Variants in ARK2C observed in about 807,000 individuals in gnomAD.
The protein encoded by ARK2C is arkadia (RNF111) C-terminal like ring finger ubiquitin ligase 2C.
the ARK2C span, among the ~76,000 whole-genome samples, chr18:46,399,572 A>G: frequency 1.3e-5 from 2 of 152,102 alleles, no homozygotes; most frequent in Non-Finnish European, 2.9e-5. Context: ...TGATGGGAAA[A>G]CGGTGAGGCA....
At chr18:46,413,137 T>C in the ARK2C span, among the ~76,000 whole-genome samples, 1 of 152,096 alleles carries the variant, frequency 6.6e-6, no homozygotes, top group Non-Finnish European at 1.5e-5. Context: ...TGAAAATTGT[T>C]TGGTTAAAAC....
the ARK2C span, among the ~76,000 whole-genome samples, chr18:46,385,447 C>A: frequency 6.6e-6 from 1 of 152,148 alleles, no homozygotes; most frequent in Non-Finnish European, 1.5e-5. Flanking sequence ...AGGTGTTGCA[C>A]AAGGATGTCC....
chr18:46,425,713 G>A, the ARK2C span, among the ~76,000 whole-genome samples: 1 of 152,066 alleles, frequency 6.6e-6, no homozygotes, highest in Non-Finnish European at 1.5e-5. Context: ...CTGGCCAGAG[G>A]AGCCTCCTGA....
the ARK2C span, among the ~76,000 whole-genome samples, chr18:46,401,020 G>A: frequency 6.6e-6 from 1 of 152,238 alleles, no homozygotes; most frequent in Non-Finnish European, 1.5e-5. Context: ...AACTGGAAAC[G>A]CTGGGGAGGC....
the ARK2C span, among the ~76,000 whole-genome samples, chr18:46,411,360 T>G: frequency 6.6e-6 from 1 of 152,232 alleles, no homozygotes; most frequent in Non-Finnish European, 1.5e-5. Context: ...GTACTTGGCC[T>G]TTGCAGATGA....
the ARK2C span, among the ~76,000 whole-genome samples, chr18:46,442,866 A>G: frequency 6.6e-6 from 1 of 152,170 alleles, no homozygotes; most frequent in East Asian, 1.9e-4. Context: ...TTCAAGATGA[A>G]TTGACCCCTT....
At chr18:46,346,101 G>C in the ARK2C span, among the ~76,000 whole-genome samples, 2 of 152,176 alleles carry the variant, frequency 1.3e-5, no homozygotes, top group African/African-American at 4.8e-5. Context: ...GGTGAGGCTT[G>C]AGGACAGCTT....
chr18:46,346,788 T>C, the ARK2C span, among the ~76,000 whole-genome samples: 1 of 152,182 alleles, frequency 6.6e-6, no homozygotes, highest in Non-Finnish European at 1.5e-5. Flanking sequence ...AACACACCTC[T>C]GCTTGTTCAG....
At chr18:46,337,267 T>C in the ARK2C span, 1 of 985,474 alleles carries the variant, frequency 1.0e-6, no homozygotes, top group Non-Finnish European at 1.2e-6. Context: ...TGGTTTTCCA[T>C]TAAACAGGGG....
chr18:46,423,854 T>C, the ARK2C span, among the ~76,000 whole-genome samples: 1 of 152,202 alleles, frequency 6.6e-6, no homozygotes, highest in Non-Finnish European at 1.5e-5. Context: ...ACTTCATCCT[T>C]ACCTGTTCTA....
the ARK2C span, among the ~76,000 whole-genome samples, chr18:46,349,126 C>G: frequency 7.5e-4 from 115 of 152,322 alleles, 1 homozygote; most frequent in African/African-American, 2.6e-3. Context: ...GCCTGAATTA[C>G]TTCCCACCAT....
the ARK2C span, among the ~76,000 whole-genome samples, chr18:46,347,187 C>G: frequency 6.6e-5 from 10 of 152,244 alleles, no homozygotes; most frequent in African/African-American, 2.4e-4. Context: ...GTCAGCCCTG[C>G]TCCCTGCGCC....
At chr18:46,414,442 G>GCA in the ARK2C span, among the ~76,000 whole-genome samples, 1 of 152,268 alleles carries the variant, frequency 6.6e-6, no homozygotes, top group African/African-American at 2.4e-5. Context: ...CTCTGTGTGT[G>GCA]CACACACACA....
chr18:46,446,691 A>AAAAGGAAAAGAAAAAAAAAAAG, the ARK2C span, among the ~76,000 whole-genome samples: 1 of 151,260 alleles, frequency 6.6e-6, no homozygotes, highest in Non-Finnish European at 1.5e-5. Context: ...AAAAAAAAAA[A>AAAAGGAAAAGAAAAAAAAAAAG]AAAGGAAAAG....
chr18:46,369,257 G>T, the ARK2C span, among the ~76,000 whole-genome samples: 1 of 152,210 alleles, frequency 6.6e-6, no homozygotes, highest in Non-Finnish European at 1.5e-5. Flanking sequence ...GGTGGTTCAA[G>T]GTGGCAGCAT....
At chr18:46,433,190 G>A in the ARK2C span, 3 of 1,571,560 alleles carry the variant, frequency 1.9e-6, no homozygotes, top group Non-Finnish European at 8.6e-7. Flanking sequence ...TGCCTTCCAG[G>A]TGCCCCCTTT....
chr18:46,357,049 A>G, the ARK2C span, among the ~76,000 whole-genome samples: 1 of 152,162 alleles, frequency 6.6e-6, no homozygotes, highest in East Asian at 1.9e-4. Flanking sequence ...CCCAGGCCCT[A>G]CACCAGATCT....
At chr18:46,356,643 G>T in the ARK2C span, among the ~76,000 whole-genome samples, 4 of 152,118 alleles carry the variant, frequency 2.6e-5, no homozygotes, top group African/African-American at 9.7e-5. Flanking sequence ...TCCATCATGG[G>T]TTCCCACATG....
the ARK2C span, among the ~76,000 whole-genome samples, chr18:46,358,755 C>A: frequency 1.3e-5 from 2 of 152,214 alleles, no homozygotes; most frequent in South Asian, 4.1e-4. Flanking sequence ...CAGCTTCTCA[C>A]CCCTTCCTTC....
Sources: allele counts gnomAD v4.1 joint callset (sites outside exome capture counted in the v4.1 genomes callset), GRCh38; gene constraint gnomAD v4.1.1; transcripts MANE v1.5; gene names NCBI Gene and HGNC (gene_info 2026-07-23, HGNC 2026-07-21).